The following PUDP variants were observed in gnomAD, a reference collection of about 807,000 sequenced individuals.
PUDP encodes the protein pseudouridine 5'-phosphatase, also known as pseudouridine-5'-phosphatase.
PUDP carries 8 observed loss-of-function variants against 9.4 expected under a neutral mutation model. The observed-to-expected ratio is 0.85, with a 90% CI of 0.50 to 1.53. The LOEUF is 1.53. Among genes scored for constraint, PUDP ranks in the 40% most tolerant of loss-of-function variants. The pLI is 0.00. For missense variants in PUDP, 188 were observed against 189.7 expected, an observed-to-expected ratio of 0.99 and a Z score of 0.05; for synonymous variants, 99 against 80.7, an observed-to-expected ratio of 1.23 and a Z score of -1.22.
At chrX:6,864,867 G>A (rs1375139274) in intron 3 of PUDP, among the ~76,000 whole-genome samples, 1 of 111,670 alleles carries the variant, frequency 9.0e-6, no homozygotes, top group Non-Finnish European at 1.9e-5. Flanking sequence ...AATCTCCCCA[G>A]TTTAAGGTCA....
At chrX:6,902,166 AG>A (rs1192277245) in intron 3 of PUDP, among the ~76,000 whole-genome samples, 1 of 112,124 alleles carries the variant, frequency 8.9e-6, no homozygotes, top group African/African-American at 3.2e-5. Context: ...GATTATAGGC[AG>A]GAGCCAGAAA....
intron 3 of PUDP, among the ~76,000 whole-genome samples, chrX:6,792,058 T>C (rs987353856): frequency 7.2e-5 from 8 of 111,327 alleles, no homozygotes; most frequent in Non-Finnish European, 1.9e-5. Flanking sequence ...CTGCATTGGA[T>C]GAATGAGAAG....
chrX:6,807,670 G>A (rs1926073870), intron 3 of PUDP, among the ~76,000 whole-genome samples: 1 of 111,953 alleles, frequency 8.9e-6, no homozygotes, highest in Admixed American at 9.5e-5. Flanking sequence ...CTCTTTTCAG[G>A]ACAGCTGAAG....
chrX:7,057,865 G>A lies in PUDP; in HGVS notation c.511-7393C>T, dbSNP rs971359310. 4 of 979,183 alleles carry A rather than the reference G, an allele frequency of 4.1e-6. No homozygotes were observed. In the African/African-American group the frequency reaches 7.7e-5, roughly 19 times the overall value. 80.7% of individuals were successfully genotyped at this position (979,183 alleles called of 1,213,427 possible). ...CAGGAAGGGAACACAGTAGGAGGCA[G>A]TGTCAGGAGCTAGGTTAGGTTTTCA... On this transcript the variant is annotated intron_variant, in intron 3 of 3. Coordinates refer to ENST00000381077, the MANE Select transcript of PUDP (RefSeq NM_012080.5).
chrX:6,819,088 G>T (rs6639687), intron 3 of PUDP, among the ~76,000 whole-genome samples: 8 of 111,313 alleles, frequency 7.2e-5, no homozygotes, highest in Non-Finnish European at 1.5e-4. Context: ...GAGACCCCCA[G>T]AATTTTAATA....
intron 3 of PUDP, among the ~76,000 whole-genome samples, chrX:6,728,998 C>T (rs992972701): frequency 9.0e-6 from 1 of 111,203 alleles, no homozygotes; most frequent in Admixed American, 9.6e-5. Flanking sequence ...GCTTGTCTGG[C>T]GCCTTTCTCA....
intron 1 of PUDP, among the ~76,000 whole-genome samples, chrX:7,123,303 G>A (rs1038596336): frequency 4.5e-5 from 5 of 111,709 alleles, no homozygotes; most frequent in African/African-American, 1.3e-4. Context: ...TAAGAGAGTC[G>A]GAAACGGAAC....
chrX:6,906,929 T>C (rs565409203), intron 3 of PUDP, among the ~76,000 whole-genome samples: 4 of 111,642 alleles, frequency 3.6e-5, no homozygotes, highest in African/African-American at 9.7e-5. Context: ...GGATTTTCTT[T>C]GCACTTTCTT....
rs578165266 is a variant in PUDP at position 6,955,188 on chromosome X, G to A, written c.*247+21945C>T. On this transcript the variant is annotated intron_variant and NMD_transcript_variant, in intron 3 of 3. Transcript: ENST00000655425. The stretch of plus-strand genomic sequence containing the variant: ...TAGTGAGGTACTTCTGTCTATCTTG[G>A]AGACCTTTGTCCTCTTTTAACTTTT... Among the ~76,000 whole-genome samples the A allele has an allele frequency of 5.4e-5, 6 of 110,556 alleles. No homozygotes were observed. The East Asian group carries it at 1.1e-3, about 21-fold the overall frequency.
intron 1 of PUDP, among the ~76,000 whole-genome samples, chrX:7,118,899 G>C (rs1394074198): frequency 8.9e-6 from 1 of 112,195 alleles, no homozygotes; most frequent in Non-Finnish European, 1.9e-5. Context: ...TGTGACAACT[G>C]ACATGGAGAC....
At chrX:6,823,286 G>A (rs1342801346) in intron 3 of PUDP, among the ~76,000 whole-genome samples, 1 of 112,071 alleles carries the variant, frequency 8.9e-6, no homozygotes, top group Non-Finnish European at 1.9e-5. Context: ...CACAGGTTCA[G>A]CAAACAGATG....
intron 1 of PUDP, among the ~76,000 whole-genome samples, chrX:7,146,077 C>T (rs1167784285): frequency 1.8e-5 from 2 of 110,851 alleles, no homozygotes; most frequent in Non-Finnish European, 1.9e-5. Flanking sequence ...TTTTGCAAGG[C>T]CTTACCACCT....
intron 3 of PUDP, among the ~76,000 whole-genome samples, chrX:6,933,319 G>A (rs990744202): frequency 2.7e-5 from 3 of 111,180 alleles, no homozygotes; most frequent in African/African-American, 9.8e-5. Context: ...AGCAGCATTC[G>A]CGGCTCACGA....
At chrX:6,900,033 T>C (rs1927651590) in intron 3 of PUDP, among the ~76,000 whole-genome samples, 1 of 110,568 alleles carries the variant, frequency 9.0e-6, no homozygotes. Flanking sequence ...GGCAACATAG[T>C]GAGACCGTGT....
In PUDP at chrX:6,992,669, C is replaced by A. The variant is rs1051789405; in HGVS notation, c.205-14326G>T. Among the ~76,000 whole-genome samples the A allele has an allele frequency of 6.3e-5, 7 of 111,040 alleles. No individual in the cohort carries two copies. The Admixed American group carries it at 6.7e-4, about 11-fold the overall frequency. On this transcript the variant is annotated intron_variant and NMD_transcript_variant, in intron 1 of 3. Coordinates refer to the PUDP transcript ENST00000655425. ...CTTGATCTCTGGGAAATGAGCTCCA[C>A]CACTCAACAGCGTAAGAACTTGTTG...
chrX:6,855,017 T>C, intron 3 of PUDP, among the ~76,000 whole-genome samples: 1 of 111,008 alleles, frequency 9.0e-6, no homozygotes, highest in South Asian at 3.9e-4. Flanking sequence ...TGAGTTACAG[T>C]AGACTCTTGA....
At chrX:7,098,882 C>A (rs934449447) in intron 2 of PUDP, among the ~76,000 whole-genome samples, 9 of 110,013 alleles carry the variant, frequency 8.2e-5, no homozygotes, top group Admixed American at 1.9e-4. Context: ...CAGGGGAGAG[C>A]CGGCCAAGAG....
chrX:6,852,631 AAAGAGAGAAAAC>A (rs1926843716), intron 3 of PUDP, among the ~76,000 whole-genome samples: 1 of 50,577 alleles, frequency 2.0e-5, no homozygotes, highest in Admixed American at 3.5e-4. Flanking sequence ...TTTTATTCAG[AAAGAGAGAAAAC>A]AAGAGGTGAT....
intron 3 of PUDP, among the ~76,000 whole-genome samples, chrX:6,787,454 C>A (rs1182974163): frequency 1.8e-5 from 2 of 112,073 alleles, no homozygotes; most frequent in Non-Finnish European, 3.8e-5. Context: ...TATGCCATTG[C>A]TGAAGACAAT....
Sources: allele counts gnomAD v4.1 joint callset (sites outside exome capture counted in the v4.1 genomes callset), GRCh38; gene constraint gnomAD v4.1.1; transcripts MANE v1.5; gene names NCBI Gene and HGNC (gene_info 2026-07-23, HGNC 2026-07-21).